The following NRXN3 variants were observed in gnomAD, a reference collection of about 807,000 sequenced individuals.
NRXN3 encodes neurexin III.
A neutral mutation model predicts 137.6 loss-of-function variants in NRXN3; 32 were observed. The observed-to-expected ratio is 0.23, with a 90% CI of 0.18 to 0.31. The LOEUF (loss-of-function observed/expected upper bound fraction) is 0.31. NRXN3 is among the 10% of genes least tolerant of loss of function. The pLI is 1.00. For synonymous variants in NRXN3, 798 were observed against 784.5 expected (o/e 1.02, Z -0.29); for missense variants, 1,574 against 2,062.5 (o/e 0.76, Z 4.59).
chr14:79,497,912 T>G (rs1341404200), intron 16 of NRXN3, among the ~76,000 whole-genome samples: 2 of 152,066 alleles, frequency 1.3e-5, no homozygotes, highest in Non-Finnish European at 2.9e-5. Context: ...TGCGCCCCTG[T>G]AGTCCCAGCT....
chr14:78,820,354 T>C (rs1455482849), intron 10 of NRXN3, among the ~76,000 whole-genome samples: 1 of 148,188 alleles, frequency 6.7e-6, no homozygotes, highest in East Asian at 2.0e-4. Flanking sequence ...TGTTTACTGA[T>C]TCAAAGCATC....
Position 79,610,408 on chromosome 14 carries a change from T to C in NRXN3, c.3445-53370T>C, listed in dbSNP as rs146796875. ...GGTAGTATTTAACAGTTTTCATGTTTATGGCCTTTTCCTGCAACTAAGTTG... is the reference window on the plus strand; with the variant it reads ...GGTAGTATTTAACAGTTTTCATGTTCATGGCCTTTTCCTGCAACTAAGTTG... On this transcript the variant is annotated intron_variant, in intron 16 of 20. Coordinates refer to ENST00000335750, the MANE Select transcript of NRXN3 (RefSeq NM_001330195.2). 4.0e-3 allele frequency among the ~76,000 whole-genome samples: 614 copies of C among 152,284 alleles called. 8 individuals carry two copies. Among genetic ancestry groups the C allele is most frequent in the African/African-American group, 0.014 (575 of 41,554 alleles).
At chr14:78,888,361 G>A (rs1285801583) in intron 10 of NRXN3, among the ~76,000 whole-genome samples, 1 of 151,116 alleles carries the variant, frequency 6.6e-6, no homozygotes, top group African/African-American at 2.4e-5. Context: ...AATGAGTTTG[G>A]GGAGTAAGAG....
intron 10 of NRXN3, among the ~76,000 whole-genome samples, chr14:78,871,122 T>G (rs2099100322): frequency 6.7e-6 from 1 of 149,512 alleles, no homozygotes; most frequent in Non-Finnish European, 1.5e-5. Flanking sequence ...ATTTTTAGTT[T>G]TCTGAGGAAT....
chr14:78,248,305 C>CA (rs1187101657), intron 2 of NRXN3, among the ~76,000 whole-genome samples: 1 of 20,260 alleles, frequency 4.9e-5, no homozygotes, highest in African/African-American at 1.7e-4. Context: ...GCCCCCCGCC[C>CA]CCCCCCCCCC....
intron 15 of NRXN3, among the ~76,000 whole-genome samples, chr14:79,110,479 T>C (rs2053270228): frequency 6.6e-6 from 1 of 152,228 alleles, no homozygotes; most frequent in Non-Finnish European, 1.5e-5. Context: ...CCACTGTCAC[T>C]TTTGTCTTTT....
At chr14:78,463,779 A>ATT (rs71452897) in intron 4 of NRXN3, among the ~76,000 whole-genome samples, 3 of 147,550 alleles carry the variant, frequency 2.0e-5, no homozygotes, top group Non-Finnish European at 3.0e-5. Context: ...TGTTGTTGGG[A>ATT]TTTTTTTTAG....
intron 20 of NRXN3, chr14:79,860,975 C>G: frequency 2.2e-6 from 2 of 923,324 alleles, no homozygotes; most frequent in Non-Finnish European, 3.0e-6. Context: ...CTGTGAATGA[C>G]GTTGGTTGAG....
chr14:79,689,022 A>G (rs905824605), intron 17 of NRXN3, among the ~76,000 whole-genome samples: 1 of 152,056 alleles, frequency 6.6e-6, no homozygotes, highest in Non-Finnish European at 1.5e-5. Flanking sequence ...TAATTTATAG[A>G]TTTCTCAGTG....
chr14:78,684,769 G>C (rs1272694849), intron 6 of NRXN3, among the ~76,000 whole-genome samples: 1 of 152,166 alleles, frequency 6.6e-6, no homozygotes, highest in African/African-American at 2.4e-5. Flanking sequence ...ACTTCAGTTT[G>C]GGAGACAGAG....
At chr14:78,475,560 G>A (rs796347875) in intron 4 of NRXN3, among the ~76,000 whole-genome samples, 12 of 152,288 alleles carry the variant, frequency 7.9e-5, no homozygotes, top group African/African-American at 2.9e-4. Context: ...TGGCATTAAT[G>A]AGTGTCTGAC....
In NRXN3 at chr14:79,334,471, A is replaced by G. The variant is rs114069072; in HGVS notation, c.3263-132750A>G. Among the ~76,000 whole-genome samples, 559 of 152,330 alleles carry G rather than the reference A, an allele frequency of 3.7e-3. 1 individual carries two copies. The highest frequency in any genetic ancestry group is 0.012 in the African/African-American group (519 of 41,576). On this transcript the variant is annotated intron_variant, in intron 15 of 20. Transcript: ENST00000335750. ...AGGAATGCACTTGGCTTATTGGAGA[A>G]ACAGTGGGAGGCTGATGGCTAGAAG... is the stretch of plus-strand genomic sequence containing the variant.
At position 78,975,802 on chromosome 14, in the gene NRXN3, A is replaced by G. The variant is rs540243756; in HGVS notation, c.3142+7456A>G. Reference sequence around the variant, plus strand: ...CTGCACACACCCTCTCCACTGCTACACTGTTATTCTGGTTAGTAGCACATG... The same window carrying G: ...CTGCACACACCCTCTCCACTGCTACGCTGTTATTCTGGTTAGTAGCACATG... On this transcript the variant is annotated intron_variant, in intron 14 of 20. Transcript: ENST00000335750. 4.6e-5 allele frequency among the ~76,000 whole-genome samples: 7 copies of G among 152,338 alleles called. No homozygotes were observed. In the South Asian group the frequency reaches 1.0e-3, roughly 23 times the overall value.
chr14:79,450,866 A>C (rs1327160873), intron 15 of NRXN3, among the ~76,000 whole-genome samples: 1 of 144,166 alleles, frequency 6.9e-6, no homozygotes, highest in South Asian at 2.1e-4. Flanking sequence ...ACTCTGTCTC[A>C]AAAAAAAAAA....
At chr14:78,621,696 C>T (rs1179295528) in intron 4 of NRXN3, among the ~76,000 whole-genome samples, 3 of 152,150 alleles carry the variant, frequency 2.0e-5, no homozygotes, top group East Asian at 1.9e-4. Flanking sequence ...TAAGTACTGT[C>T]GTCCTTGTTT....
chr14:78,690,779 C>T (rs749506709), intron 6 of NRXN3, among the ~76,000 whole-genome samples: 42 of 152,154 alleles, frequency 2.8e-4, no homozygotes, highest in Middle Eastern at 3.4e-3. Flanking sequence ...GAGGAGGAAC[C>T]GATGAGTTTG....
chr14:78,977,552 T>C (rs2099472239), intron 14 of NRXN3, among the ~76,000 whole-genome samples: 1 of 152,112 alleles, frequency 6.6e-6, no homozygotes, highest in Non-Finnish European at 1.5e-5. Flanking sequence ...AAAGAGTTAT[T>C]TGACCTTTGT....
intron 8 of NRXN3, among the ~76,000 whole-genome samples, chr14:78,798,306 C>G (rs1016018859): frequency 6.6e-6 from 1 of 152,158 alleles, no homozygotes; most frequent in African/African-American, 2.4e-5. Flanking sequence ...GGGCTACAGG[C>G]TCCATTCAAG....
chr14:79,614,280 C>A (rs2098133226), intron 16 of NRXN3, among the ~76,000 whole-genome samples: 1 of 152,220 alleles, frequency 6.6e-6, no homozygotes, highest in South Asian at 2.1e-4. Flanking sequence ...GCATTTGTTA[C>A]TGGCCTTAGA....
Sources: gnomAD v4.1 joint callset for allele counts (sites outside exome capture counted in the v4.1 genomes callset) on GRCh38, gnomAD v4.1.1 for gene constraint, MANE v1.5 for transcripts, NCBI Gene and HGNC (gene_info 2026-07-23, HGNC 2026-07-21) for gene names.